The following ASAH2 variants were observed in gnomAD, a reference collection of about 807,000 sequenced individuals.
ASAH2 encodes the protein neutral ceramidase.
A neutral mutation model predicts 82.9 loss-of-function variants in ASAH2; 58 were observed. The observed-to-expected ratio is 0.70, with a 90% CI of 0.57 to 0.87. The LOEUF (loss-of-function observed/expected upper bound fraction) is 0.87. Among genes scored for constraint, ASAH2 ranks in the 40% least tolerant of loss-of-function variants. The probability of loss-of-function intolerance (pLI) is 0.00; values close to 1 mark genes in which losing one functional copy is unlikely to be tolerated. For missense variants in ASAH2, 779 were observed against 834.0 expected, an observed-to-expected ratio of 0.93 and a Z score of 0.81; for synonymous variants, 276 against 289.7, an observed-to-expected ratio of 0.95 and a Z score of 0.48.
At chr10:50,209,843 C>A (rs1206871371) in intron 12 of ASAH2, among the ~76,000 whole-genome samples, 5 of 152,052 alleles carry the variant, frequency 3.3e-5, no homozygotes, top group African/African-American at 1.2e-4. Context: ...TGAGATATCC[C>A]TCCACACCCA....
chr10:50,199,220 G>GT, intron 16 of ASAH2, 74 bp from the exon 17 acceptor site: 1 of 1,502,776 alleles, frequency 6.7e-7, no homozygotes, highest in Non-Finnish European at 9.3e-7. Context: ...AGCATTTTGG[G>GT]TAAGTGTGAT....
At position 50,234,356 on chromosome 10, in the gene ASAH2, C is replaced by T. The variant is rs1846092788; in HGVS notation, c.815+69G>A. The stretch of plus-strand genomic sequence containing the variant: ...TCACCATATTCATCAAGTAACAGCC[C>T]TGTACTTAGATTTTGTTGCTGTTCC... On this transcript the variant is annotated intron_variant, in intron 6 of 20. Coordinates refer to ENST00000682911, the MANE Select transcript of ASAH2 (RefSeq NM_019893.4). 22 of 1,604,022 alleles carry T rather than the reference C, an allele frequency of 1.4e-5. No homozygotes were observed. In the South Asian group the frequency reaches 2.0e-4, roughly 14 times the overall value.
chr10:50,232,083 C>A (rs1846034318), intron 7 of ASAH2, among the ~76,000 whole-genome samples: 1 of 152,194 alleles, frequency 6.6e-6, no homozygotes, highest in Admixed American at 6.6e-5. Context: ...ACCTCAAGAC[C>A]TGAACTTTTT....
intron 7 of ASAH2, 148 bp from the exon 8 acceptor site, chr10:50,218,778 G>C (rs528259395): frequency 1.1e-6 from 1 of 902,716 alleles, no homozygotes; most frequent in East Asian, 2.5e-5. Flanking sequence ...ATTGTTCATG[G>C]GCTTAAAAAT....
At chr10:50,224,105 T>C (rs1352784228) in intron 7 of ASAH2, among the ~76,000 whole-genome samples, 2 of 152,158 alleles carry the variant, frequency 1.3e-5, no homozygotes, top group South Asian at 2.1e-4. Context: ...TAGCTGAAAA[T>C]ACCAGCTCTG....
Position 50,224,534 on chromosome 10 carries a change from C to T in ASAH2, c.894-5904G>A, listed in dbSNP as rs1036246756. ...ATAGCCTGCCCTCTTGTGACAGAGA[C>T]GTGAGTGCTCACAAAATGCCCATGT... On this transcript the variant is annotated intron_variant, in intron 7 of 20. Coordinates refer to ENST00000682911, the MANE Select transcript of ASAH2 (RefSeq NM_019893.4). Among the ~76,000 whole-genome samples, 86 of 152,194 alleles carry T rather than the reference C, an allele frequency of 5.7e-4. 1 individual carries two copies. In the East Asian group the frequency reaches 0.015, roughly 26 times the overall value.
At chr10:50,201,161 C>T (rs1016418455) in intron 16 of ASAH2, among the ~76,000 whole-genome samples, 20 of 152,024 alleles carry the variant, frequency 1.3e-4, no homozygotes, top group Admixed American at 2.6e-4. Context: ...TCTTCCCACA[C>T]CATCCCCTTT....
intron 12 of ASAH2, 90 bp downstream of exon 12, chr10:50,210,733 A>C: frequency 8.7e-7 from 1 of 1,151,270 alleles, no homozygotes; most frequent in South Asian, 1.2e-5. Flanking sequence ...AAAATTAATA[A>C]ATGTATTGGC....
intron 7 of ASAH2, among the ~76,000 whole-genome samples, chr10:50,222,098 C>T (rs1349195330): frequency 1.3e-5 from 2 of 152,130 alleles, no homozygotes; most frequent in Non-Finnish European, 2.9e-5. Context: ...AAGATGGCAG[C>T]TGTATCATTC....
At chr10:50,218,871 A>G (rs1488211276) in intron 7 of ASAH2, among the ~76,000 whole-genome samples, 2 of 152,226 alleles carry the variant, frequency 1.3e-5, no homozygotes, top group Non-Finnish European at 2.9e-5. Context: ...CTATTTCATC[A>G]TTGGCATCAT....
At chr10:50,228,190 AT>A (rs1845938584) in intron 7 of ASAH2, among the ~76,000 whole-genome samples, 1 of 152,218 alleles carries the variant, frequency 6.6e-6, no homozygotes, top group East Asian at 1.9e-4. Flanking sequence ...AATAAATAAA[AT>A]AAACAGAAAG....
Position 50,236,168 on chromosome 10 carries a change from T to G in ASAH2, c.511-104A>C. On this transcript the variant is annotated intron_variant, in intron 4 of 20. Transcript: ENST00000682911. ...ATCACTGATCCATACCAATAACATC[T>G]GTATTAGTCCATTCTCATGCTGCTA... 3 of 979,414 alleles carry G rather than the reference T, an allele frequency of 3.1e-6. No homozygotes were observed. In the South Asian group the frequency reaches 3.9e-5, roughly 13 times the overall value. The allele number at this position is 979,414 out of a possible 1,614,324, so 60.7% of individuals were successfully genotyped here.
intron 12 of ASAH2, among the ~76,000 whole-genome samples, chr10:50,206,813 A>G (rs888204183): frequency 6.6e-6 from 1 of 151,932 alleles, no homozygotes; most frequent in Admixed American, 6.6e-5. Context: ...ACTAGGCAGA[A>G]GATCAACAGA....
intron 4 of ASAH2, among the ~76,000 whole-genome samples, chr10:50,239,265 T>C (rs1258365313): frequency 6.6e-6 from 1 of 152,206 alleles, no homozygotes; most frequent in Non-Finnish European, 1.5e-5. Flanking sequence ...ATGACACTTA[T>C]TTAGCTACAT....
intron 5 of ASAH2, 70 bp downstream of exon 5, chr10:50,235,818 A>T: frequency 1.3e-6 from 2 of 1,526,960 alleles, no homozygotes; most frequent in Middle Eastern, 1.7e-4. Context: ...TCTTTATATC[A>T]CATCCAATCA....
At chr10:50,202,985 T>A in intron 15 of ASAH2, 61 bp from the exon 16 acceptor site, 1 of 1,120,388 alleles carries the variant, frequency 8.9e-7, no homozygotes, top group Non-Finnish European at 1.4e-6. Context: ...ATTTTCATTC[T>A]GTTATCCTTA....
At chr10:50,201,036 G>T (rs1208994588) in intron 16 of ASAH2, among the ~76,000 whole-genome samples, 4 of 151,914 alleles carry the variant, frequency 2.6e-5, no homozygotes, top group African/African-American at 9.7e-5. Context: ...AAGCAGAATG[G>T]CAGAATGGCA....
rs1589313740 is a variant in ASAH2 at position 50,186,262 on chromosome 10, A to AC, written c.*1052dup. The AC allele has an allele frequency of 9.6e-6, 1 of 104,420 alleles. No individual in the cohort carries two copies. The highest frequency in any genetic ancestry group is 2.1e-5 in the Non-Finnish European group (1 of 47,178). The allele number at this position is 104,420 out of a possible 1,614,324, so 6.5% of individuals were successfully genotyped here. On this transcript the variant is annotated 3_prime_UTR_variant, in exon 21 of 21. Coordinates refer to ENST00000682911, the MANE Select transcript of ASAH2 (RefSeq NM_019893.4). ...GTTACCTTTTGACACTTACACATTC[A>AC]CCCCAAGTACAAATTCACTAATTAT...
intron 9 of ASAH2, among the ~76,000 whole-genome samples, chr10:50,213,443 G>T (rs185335365): frequency 6.6e-6 from 1 of 151,946 alleles, no homozygotes; most frequent in Non-Finnish European, 1.5e-5. Flanking sequence ...ACTGAAACTC[G>T]ATTAAAATTA....
Sources: gnomAD v4.1 joint callset for allele counts (sites outside exome capture counted in the v4.1 genomes callset) on GRCh38, gnomAD v4.1.1 for gene constraint, MANE v1.5 for transcripts, NCBI Gene and HGNC (gene_info 2026-07-23, HGNC 2026-07-21) for gene names.